The following MYH3 variants were observed in gnomAD, a reference collection of about 807,000 sequenced individuals.
The protein encoded by MYH3 is myosin heavy chain 3.
MYH3 carries 130 observed loss-of-function variants against 238.0 expected under a neutral mutation model. The observed-to-expected ratio is 0.55, with a 90% CI of 0.47 to 0.63. The LOEUF is 0.63. Among genes scored for constraint, MYH3 ranks in the 30% least tolerant of loss-of-function variants. The pLI, the probability that MYH3 is intolerant of heterozygous loss-of-function variation, is 0.00. For synonymous variants in MYH3, 880 were observed against 924.1 expected (o/e 0.95, Z 0.86); for missense variants, 1,853 against 2,374.9 (o/e 0.78, Z 4.57).
chr17:10,667,972 A>C, the MYH3 span, among the ~76,000 whole-genome samples: 2 of 152,368 alleles, frequency 1.3e-5, no homozygotes, highest in East Asian at 3.9e-4. Context: ...CTGAAATTGA[A>C]TATGAACAGA....
rs368539961 is a variant in MYH3 at position 10,654,177 on chromosome 17, GCTTT to G, written c.204+680_204+683del. ...TCTTTCTTTCTTTCCTTCCTTCCTT[GCTTT>G]CTTTCTTCCTTCTTTCTTTCCTTCC... On this transcript the variant is annotated intron_variant, in intron 3 of 40. Coordinates refer to ENST00000583535, the MANE Select transcript of MYH3 (RefSeq NM_002470.4). The surrounding 1 kb of genome is among the most constrained non-coding windows in gnomAD (Gnocchi z 4.5). Among the ~76,000 whole-genome samples, 877 of 145,100 alleles carry G rather than the reference GCTTT, an allele frequency of 6.0e-3. 27 individuals carry two copies. Among genetic ancestry groups the G allele is most frequent in the Admixed American group, 0.051 (741 of 14,454 alleles).
chr17:10,669,482 G>C, the MYH3 span, among the ~76,000 whole-genome samples: 194 of 151,166 alleles, frequency 1.3e-3, 2 homozygotes, highest in African/African-American at 4.4e-3. Flanking sequence ...CAGGAGAATC[G>C]CTTGAACCTG....
intron 28 of MYH3, 115 bp from the exon 29 acceptor site, chr17:10,635,968 G>T: frequency 1.1e-6 from 1 of 910,478 alleles, no homozygotes. Context: ...GATAAGATAT[G>T]GTTTCTTCTT....
upstream of MYH3, among the ~76,000 whole-genome samples, chr17:10,661,427 G>C (rs1162324594): frequency 6.6e-6 from 1 of 152,042 alleles, no homozygotes; most frequent in Non-Finnish European, 1.5e-5. Flanking sequence ...GATGAACAGG[G>C]GACAGATGAC....
chr17:10,629,794 G>A (rs766360657), intron 39 of MYH3, 48 bp downstream of exon 39: 3 of 1,614,010 alleles, frequency 1.9e-6, no homozygotes, highest in Non-Finnish European at 2.5e-6. Flanking sequence ...AACTCACCAC[G>A]GGAAACAGCA....
At chr17:10,669,765 G>T in the MYH3 span, among the ~76,000 whole-genome samples, 1 of 151,990 alleles carries the variant, frequency 6.6e-6, no homozygotes, top group Admixed American at 6.6e-5. Context: ...AAAAAAATCA[G>T]CTGGGCGTGG....
Position 10,638,030 on chromosome 17 carries a change from C to T in MYH3, c.3729+13G>A, listed in dbSNP as rs370155881. On this transcript the variant is annotated intron_variant, in intron 27 of 40. Coordinates refer to ENST00000583535, the MANE Select transcript of MYH3 (RefSeq NM_002470.4). Reference sequence around the variant, plus strand: ...GATGGAAAGCCTTGAGCCACCCCCACCCCGCGCAGCACCTTAGATTTCGAC... The same window carrying T: ...GATGGAAAGCCTTGAGCCACCCCCATCCCGCGCAGCACCTTAGATTTCGAC... 3.1e-6 allele frequency: 5 copies of T among 1,613,994 alleles called. No homozygotes were observed. Among genetic ancestry groups the T allele is most frequent in the Non-Finnish European group, 4.2e-6 (5 of 1,180,020 alleles).
chr17:10,633,987 G>C (rs772587206), intron 32 of MYH3, 30 bp downstream of exon 32: 2 of 1,611,304 alleles, frequency 1.2e-6, no homozygotes, highest in Non-Finnish European at 8.5e-7. Flanking sequence ...CATGAAAGGA[G>C]GAGGTTTCAG....
At chr17:10,643,972 C>T (rs2074296561) in intron 14 of MYH3, among the ~76,000 whole-genome samples, 1 of 151,930 alleles carries the variant, frequency 6.6e-6, no homozygotes, top group African/African-American at 2.4e-5. Context: ...CCAGCCTAGC[C>T]AACATGGTGA....
intron 38 of MYH3, 52 bp from the exon 39 acceptor site, chr17:10,629,989 CA>C (rs2074138282): frequency 1.2e-6 from 2 of 1,608,524 alleles, no homozygotes; most frequent in Non-Finnish European, 1.7e-6. Flanking sequence ...CAGATTTGCA[CA>C]CGGCATGGGC....
rs769878715 is a variant in MYH3, at chr17:10,638,403, T to C, written c.3369A>G (p.Ile1123Met). Reference protein sequence around the residue: ...QARIEELEEEIEAERATRAKT... With the variant: ...QARIEELEEEMEAERATRAKT... ...TCGCGCGGGTGGCCCTCTCCGCCTC[T>C]ATCTCCTCTTCCAGCTCCTCAATTC... The change falls in exon 27 of 41, where the codon ATA becomes ATG. Residue 1123 changes from isoleucine (I) to methionine (M), a missense_variant. Coordinates refer to ENST00000583535, the MANE Select transcript of MYH3 (RefSeq NM_002470.4). 15 of 1,600,708 alleles carry C rather than the reference T, an allele frequency of 9.4e-6. No individual in the cohort carries two copies. The African/African-American group carries it at 2.0e-4, about 21-fold the overall frequency.
At chr17:10,674,534 G>A in the MYH3 span, 7 of 201,962 alleles carry the variant, frequency 3.5e-5, no homozygotes, top group South Asian at 6.8e-5. Flanking sequence ...TGACACTGCC[G>A]GACCACAGAC....
At chr17:10,656,398 G>A (rs111587899) in intron 1 of MYH3, among the ~76,000 whole-genome samples, 21 of 152,260 alleles carry the variant, frequency 1.4e-4, no homozygotes, top group African/African-American at 5.1e-4. Flanking sequence ...ATTGCTGGGC[G>A]TGGCGGCAGA....
chr17:10,651,223 G>A (rs917949809), intron 5 of MYH3, among the ~76,000 whole-genome samples: 6 of 147,790 alleles, frequency 4.1e-5, no homozygotes, highest in South Asian at 2.1e-4. Flanking sequence ...GCTTCTCATC[G>A]TTCTTGCTGT....
intron 19 of MYH3, among the ~76,000 whole-genome samples, 160 bp from the exon 20 acceptor site, chr17:10,640,846 A>C (rs965741671): frequency 2.6e-5 from 4 of 152,254 alleles, no homozygotes; most frequent in African/African-American, 9.6e-5. Flanking sequence ...TCTAGAATCT[A>C]GATCTCTTGA....
upstream of MYH3, among the ~76,000 whole-genome samples, chr17:10,660,013 G>A (rs944932121): frequency 3.3e-5 from 5 of 152,342 alleles, no homozygotes; most frequent in African/African-American, 4.8e-5. Flanking sequence ...GCAGCAGGTC[G>A]GAGCAGGAGG....
chr17:10,657,721 A>G (rs1471786316), upstream of MYH3, among the ~76,000 whole-genome samples: 7 of 152,236 alleles, frequency 4.6e-5, no homozygotes, highest in Admixed American at 2.0e-4. Flanking sequence ...GGAAAAGTGA[A>G]TAAGACTGAG....
rs140180067 is a variant in MYH3, at chr17:10,631,899, T to C, written c.5074A>G (p.Thr1692Ala). 1.9e-4 allele frequency: 307 copies of C among 1,614,114 alleles called. 2 individuals carry two copies. The East Asian group carries it at 6.7e-3, about 35-fold the overall frequency. The stretch of plus-strand genomic sequence containing the variant: ...CGGGCCCTCTCCGTCTGCTCCAGAG[T>C]AGCCCGCAGCTCCTCCACCTCGGCC... ...LQAEVEELRA[T>A]LEQTERARKL... Residue 1692 changes from threonine to alanine, a missense_variant, in exon 35 of 41, where the codon ACT (threonine) becomes GCT (alanine). By Grantham distance (58) the Thr-to-Ala change is moderately conservative. This residue lies in a region of MYH3 where 1,044 missense variants were observed against 1,192.6 expected (regional missense o/e 0.88). Transcript: ENST00000583535.
intron 34 of MYH3, 96 bp downstream of exon 34, chr17:10,632,380 G>A: frequency 7.1e-7 from 1 of 1,398,914 alleles, no homozygotes; most frequent in Non-Finnish European, 1.0e-6. Context: ...CAGTCTCCCA[G>A]AGCGCTGGGA....
Sources: gnomAD v4.1 joint callset for allele counts (sites outside exome capture counted in the v4.1 genomes callset) on GRCh38, gnomAD v4.1.1 for gene constraint, gnomAD v4.1.1 regional missense constraint, Gnocchi (gnomAD v3.1) non-coding constraint, MANE v1.5 for transcripts, NCBI Gene and HGNC (gene_info 2026-07-23, HGNC 2026-07-21) for gene names.